The following HHIP variants were observed in gnomAD, a reference collection of about 807,000 sequenced individuals.
HHIP encodes the protein hedgehog-interacting protein.
Under a neutral mutation model 74.0 loss-of-function variants are expected in HHIP, and 12 were observed. The ratio of observed to expected loss-of-function variants is 0.16; its 90% confidence interval spans 0.10 to 0.26. HHIP has a LOEUF of 0.26. Among genes scored for constraint, HHIP ranks in the 10% least tolerant of loss-of-function variants. The pLI is 1.00. For missense variants in HHIP, 788 were observed against 845.0 expected (o/e 0.93, Z 0.84); for synonymous variants, 309 against 311.6 (o/e 0.99, Z 0.09).
chr4:144,737,802 G>A lies in HHIP; in HGVS notation c.1948G>A (p.Val650Ile). ...AGCATGTCGTCATGGAGGTGTCTGT[G>A]TTAGACCGAACAAGTGCCTCTGTAA... ...EPACRHGGVC[V>I]RPNKCLCKKG... Residue 650 changes from valine to isoleucine, a missense_variant, in exon 13 of 13, where the codon GTT becomes ATT. Physicochemically the swap from Val to Ile is conservative, Grantham distance 29. Coordinates refer to ENST00000296575, the MANE Select transcript of HHIP (RefSeq NM_022475.3). 6.2e-7 allele frequency: 1 copy of A among 1,613,244 alleles called. No homozygotes were observed.
At position 144,675,910 on chromosome 4, in the gene HHIP, A is replaced by G. The variant is rs377312833; in HGVS notation, c.831+16072A>G. Among the ~76,000 whole-genome samples the G allele has an allele frequency of 5.0e-4, 76 of 152,284 alleles. 2 individuals are homozygous for G. In the East Asian group the frequency reaches 0.01, roughly 20 times the overall value. On this transcript the variant is annotated intron_variant, in intron 4 of 12. Coordinates refer to ENST00000296575, the MANE Select transcript of HHIP (RefSeq NM_022475.3). ...AGTCTAAACTTTGCATTTGATATCA[A>G]TCCTTTGGAGGAGATCAACAATAAG...
chr4:144,680,398 C>T (rs1016862404), intron 4 of HHIP, among the ~76,000 whole-genome samples: 2 of 152,170 alleles, frequency 1.3e-5, no homozygotes, highest in Non-Finnish European at 2.9e-5. Flanking sequence ...GATGGGAAGA[C>T]ATTTTTCTTT....
chr4:144,712,812 A>G (rs916674893), intron 8 of HHIP, among the ~76,000 whole-genome samples: 2 of 152,034 alleles, frequency 1.3e-5, no homozygotes, highest in Non-Finnish European at 2.9e-5. Flanking sequence ...TTCAATACAG[A>G]TATTTATTTA....
intron 4 of HHIP, among the ~76,000 whole-genome samples, chr4:144,669,127 G>C (rs1243654696): frequency 6.6e-6 from 1 of 151,986 alleles, no homozygotes; most frequent in Non-Finnish European, 1.5e-5. Flanking sequence ...TAATTTTAAA[G>C]TCTGTAATTA....
chr4:144,688,646 C>A (rs1729551424), intron 4 of HHIP, among the ~76,000 whole-genome samples: 1 of 152,140 alleles, frequency 6.6e-6, no homozygotes, highest in Non-Finnish European at 1.5e-5. Context: ...TTAAAAGACA[C>A]AAGTCACGGG....
In HHIP at chr4:144,696,467, A is replaced by G. The variant is rs1264879941; in HGVS notation, c.832-10064A>G. Among the ~76,000 whole-genome samples, 3 of 152,086 alleles carry G rather than the reference A, an allele frequency of 2.0e-5. No homozygotes were observed. The East Asian group carries it at 5.8e-4, about 29-fold the overall frequency. On this transcript the variant is annotated intron_variant, in intron 4 of 12. Coordinates refer to ENST00000296575, the MANE Select transcript of HHIP (RefSeq NM_022475.3). Reference sequence around the variant, plus strand: ...GATGAGCTTCATTTTATTCCCTTGTAGAACTTCAGAAACCCAAGTTACTTA... The same window carrying G: ...GATGAGCTTCATTTTATTCCCTTGTGGAACTTCAGAAACCCAAGTTACTTA...
chr4:144,664,525 T>G (rs967421080), intron 4 of HHIP, among the ~76,000 whole-genome samples: 1 of 152,246 alleles, frequency 6.6e-6, no homozygotes, highest in Non-Finnish European at 1.5e-5. Context: ...AGGCAACCCA[T>G]GAAGCGTTAG....
chr4:144,652,413 TC>T (rs1025082252), intron 1 of HHIP, among the ~76,000 whole-genome samples, 191 bp from the exon 2 acceptor site: 2 of 152,106 alleles, frequency 1.3e-5, no homozygotes, highest in African/African-American at 4.8e-5. Flanking sequence ...TCCTTTGTTC[TC>T]CCAGCCCAGC....
chr4:144,742,928 TTATATATATCTTA>T lies in HHIP; in HGVS notation c.*4987_*4999del, dbSNP rs1731294131. ...TTATATATATCTTATATATATATCT[TTATATATATCTTA>T]TATATATATCTTATACATATAAGAT... is the stretch of plus-strand genomic sequence containing the variant. On this transcript the variant is annotated 3_prime_UTR_variant, in exon 13 of 13. Coordinates refer to ENST00000296575, the MANE Select transcript of HHIP (RefSeq NM_022475.3). 4 of 125,224 alleles carry T rather than the reference TTATATATATCTTA, an allele frequency of 3.2e-5. No homozygotes were observed. Among genetic ancestry groups the T allele is most frequent in the African/African-American group, 1.2e-4 (4 of 33,788 alleles). The allele number at this position is 125,224 out of a possible 1,614,324, so 7.8% of individuals were successfully genotyped here.
intron 1 of HHIP, among the ~76,000 whole-genome samples, chr4:144,649,683 G>C (rs552370140): frequency 6.6e-6 from 1 of 152,138 alleles, no homozygotes; most frequent in Non-Finnish European, 1.5e-5. Context: ...CAGAGGCATA[G>C]AAGCTCTCTC....
At chr4:144,689,259 T>C (rs539512429) in intron 4 of HHIP, among the ~76,000 whole-genome samples, 15 of 152,350 alleles carry the variant, frequency 9.8e-5, no homozygotes, top group Non-Finnish European at 2.2e-4. Context: ...GGCACATAGA[T>C]GATGTCGTAC....
At chr4:144,657,904 A>T (rs1560694554) in intron 2 of HHIP, among the ~76,000 whole-genome samples, 2 of 152,246 alleles carry the variant, frequency 1.3e-5, no homozygotes, top group Non-Finnish European at 2.9e-5. Context: ...AGGCTCTGTT[A>T]TAAGCACCAA....
At chr4:144,653,096 A>C (rs1578675413) in intron 2 of HHIP, among the ~76,000 whole-genome samples, 1 of 152,110 alleles carries the variant, frequency 6.6e-6, no homozygotes, top group East Asian at 1.9e-4. Flanking sequence ...TGGATTCTCA[A>C]TCCAAACTCC....
chr4:144,720,730 C>T (rs1479613007), intron 11 of HHIP, among the ~76,000 whole-genome samples: 1 of 151,880 alleles, frequency 6.6e-6, no homozygotes, highest in Non-Finnish European at 1.5e-5. Flanking sequence ...TAGCAGAGTC[C>T]CAAAGAAACC....
Position 144,646,566 on chromosome 4 carries a change from T to G in HHIP, c.-110T>G, listed in dbSNP as rs200419063. ...CCGCCACCTCCCTCTGTCTCTGGAGTGCCCTACAGCCCCGCAAACTCCTCC... is the reference window on the plus strand; with the variant it reads ...CCGCCACCTCCCTCTGTCTCTGGAGGGCCCTACAGCCCCGCAAACTCCTCC... On this transcript the variant is annotated 5_prime_UTR_variant, in exon 1 of 13. Coordinates refer to ENST00000296575, the MANE Select transcript of HHIP (RefSeq NM_022475.3). The G allele has an allele frequency of 9.4e-5, 100 of 1,064,572 alleles. No homozygotes were observed. The highest frequency in any genetic ancestry group is 8.3e-4 in the Middle Eastern group (3 of 3,598). 65.9% of individuals were successfully genotyped at this position (1,064,572 alleles called of 1,614,324 possible).
At chr4:144,693,952 G>A (rs1729746829) in intron 4 of HHIP, among the ~76,000 whole-genome samples, 1 of 151,858 alleles carries the variant, frequency 6.6e-6, no homozygotes, top group African/African-American at 2.4e-5. Flanking sequence ...TTTGCTAAAT[G>A]TTGATTTGTA....
chr4:144,663,732 C>G (rs1371779901), intron 4 of HHIP, among the ~76,000 whole-genome samples: 1 of 152,090 alleles, frequency 6.6e-6, no homozygotes, highest in Non-Finnish European at 1.5e-5. Flanking sequence ...ACCAGTTAAT[C>G]TTTTTCTGTT....
At position 144,714,341 on chromosome 4, in the gene HHIP, C is replaced by T. The variant is rs746714216; in HGVS notation, c.1540C>T (p.Arg514Cys). 7 of 1,613,126 alleles carry T rather than the reference C, an allele frequency of 4.3e-6. No individual in the cohort carries two copies. Among genetic ancestry groups the T allele is most frequent in the South Asian group, 1.1e-5 (1 of 91,030 alleles). The change falls in exon 9 of 13, where the codon CGT becomes TGT. Residue 514 changes from arginine to cysteine, a missense_variant. Arg to Cys is a radical substitution (Grantham distance 180). This residue lies in a region of HHIP where 343 missense variants were observed against 347.9 expected (regional missense o/e 0.99). Transcript: ENST00000296575. ...GTATGGAAGCTACGTGTTTGGAGAT[C>T]GTAATGGGTAGGTTTCCTGATACCA... ...RLYGSYVFGD[R>C]NGNFLTLQQS... is the part of the protein sequence containing the mutation.
intron 11 of HHIP, among the ~76,000 whole-genome samples, chr4:144,734,176 G>A (rs746148920): frequency 2.7e-5 from 4 of 149,508 alleles, no homozygotes; most frequent in Non-Finnish European, 4.5e-5. Flanking sequence ...CACCTTTCAA[G>A]AAAAATCAGT....
Sources: allele counts gnomAD v4.1 joint callset (sites outside exome capture counted in the v4.1 genomes callset), GRCh38; gene constraint gnomAD v4.1.1; regional missense constraint gnomAD v4.1.1; transcripts MANE v1.5; gene names NCBI Gene and HGNC (gene_info 2026-07-23, HGNC 2026-07-21).